Variants in GSG1L observed in about 807,000 individuals in gnomAD.
The protein encoded by GSG1L is germ cell-specific gene 1-like protein.
A neutral mutation model predicts 42.1 loss-of-function variants in GSG1L; 24 were observed. The observed-to-expected ratio is 0.57, with a 90% confidence interval of 0.41 to 0.80. The LOEUF is 0.80. GSG1L is among the 30% of genes least tolerant of loss of function. The pLI, the probability that GSG1L is intolerant of heterozygous loss-of-function variation, is 0.00. For synonymous variants in GSG1L, 215 were observed against 203.5 expected (o/e 1.06, Z -0.48); for missense variants, 445 against 472.2 (o/e 0.94, Z 0.53).
intron 6 of GSG1L, among the ~76,000 whole-genome samples, chr16:27,798,742 C>T (rs188141729): frequency 1.8e-3 from 278 of 152,230 alleles, no homozygotes; most frequent in Non-Finnish European, 3.3e-3. Context: ...TCTATTTTGA[C>T]ACCTGCCCCA....
chr16:27,828,824 G>C lies in GSG1L; in HGVS notation c.795C>G (p.Phe265Leu). Reference protein sequence around the residue: ...FEQGYREEPTFIDPEAIKYFR... With the variant: ...FEQGYREEPTLIDPEAIKYFR... ...AGTACTTGATGGCCTCAGGGTCTAT[G>C]AAGGTCGGCTCTTCCCGGTAGCCCT... The change falls in exon 5 of 7, where the codon TTC becomes TTG. Residue 265 changes from phenylalanine to leucine, a missense_variant. Physicochemically the swap from Phe to Leu is conservative, Grantham distance 22 (BLOSUM62 0). This residue lies in a region of GSG1L where 140 missense variants were observed against 120.6 expected (regional missense o/e 1.16). Coordinates refer to ENST00000447459, the MANE Select transcript of GSG1L (RefSeq NM_001109763.2). The C allele has an allele frequency of 6.2e-7, 1 of 1,614,182 alleles. No individual in the cohort carries two copies. Among genetic ancestry groups the C allele is most frequent in the Non-Finnish European group, 8.5e-7 (1 of 1,180,028 alleles).
intron 2 of GSG1L, among the ~76,000 whole-genome samples, chr16:27,901,206 G>A (rs2084253125): frequency 6.6e-6 from 1 of 152,176 alleles, no homozygotes; most frequent in Non-Finnish European, 1.5e-5. Context: ...AAGATCTAGT[G>A]CACGTCTAAT....
intron 2 of GSG1L, among the ~76,000 whole-genome samples, chr16:27,920,673 T>C (rs1202035796): frequency 6.6e-6 from 1 of 152,200 alleles, no homozygotes; most frequent in Non-Finnish European, 1.5e-5. Context: ...CATGCTCCTG[T>C]CACCCTCCCA....
intron 2 of GSG1L, among the ~76,000 whole-genome samples, chr16:27,924,695 A>T (rs1263659107): frequency 1.3e-5 from 2 of 152,188 alleles, no homozygotes; most frequent in Non-Finnish European, 1.5e-5. Context: ...TTTTCTTATC[A>T]CACACAAAAG....
chr16:28,062,486 G>A (rs865893672), intron 1 of GSG1L, among the ~76,000 whole-genome samples: 1 of 152,208 alleles, frequency 6.6e-6, no homozygotes, highest in Non-Finnish European at 1.5e-5. Context: ...GGCAATAGGG[G>A]TGCCTCTGGG....
chr16:27,857,324 A>C (rs2083591526), intron 3 of GSG1L, among the ~76,000 whole-genome samples: 1 of 151,196 alleles, frequency 6.6e-6, no homozygotes, highest in East Asian at 1.9e-4. Flanking sequence ...GCTACTTGGG[A>C]GGCTGAGGCA....
chr16:27,890,452 T>C (rs55658612), intron 2 of GSG1L, among the ~76,000 whole-genome samples: 10,911 of 152,144 alleles, frequency 0.072, 517 homozygotes, highest in Non-Finnish European at 0.1. Context: ...TGGAAACAGT[T>C]CTTGGAGGCT....
chr16:27,936,292 T>C (rs2084716962), intron 2 of GSG1L, among the ~76,000 whole-genome samples: 1 of 152,164 alleles, frequency 6.6e-6, no homozygotes, highest in African/African-American at 2.4e-5. Flanking sequence ...TGAAATTTGA[T>C]CTCTGCTGTT....
intron 3 of GSG1L, among the ~76,000 whole-genome samples, chr16:27,873,657 A>C (rs2083851168): frequency 6.6e-6 from 1 of 152,224 alleles, no homozygotes; most frequent in Non-Finnish European, 1.5e-5. Flanking sequence ...TAAATCTTCT[A>C]CCAGCCCAGG....
intron 6 of GSG1L, 68 bp from the exon 7 acceptor site, chr16:27,791,535 C>A (rs1007313053): frequency 5.8e-6 from 6 of 1,039,184 alleles, no homozygotes; most frequent in Admixed American, 7.0e-5. Flanking sequence ...CTACCCACCG[C>A]CCCCCACCCA....
intron 4 of GSG1L, among the ~76,000 whole-genome samples, chr16:27,838,880 TCTTAGAATAAAGGAGGC>T (rs2083348910): frequency 6.6e-6 from 1 of 152,100 alleles, no homozygotes; most frequent in Non-Finnish European, 1.5e-5. Flanking sequence ...CCAACCCTGG[TCTTAGAATAAAGGAGGC>T]CGCAGCCACC....
intron 2 of GSG1L, among the ~76,000 whole-genome samples, chr16:27,921,477 C>T (rs1029679242): frequency 9.1e-4 from 138 of 152,292 alleles, no homozygotes; most frequent in African/African-American, 3.2e-3. Context: ...TAAACATCAA[C>T]CCTGTTAACT....
chr16:27,868,427 T>C (rs932618733), intron 3 of GSG1L, among the ~76,000 whole-genome samples: 1 of 152,242 alleles, frequency 6.6e-6, no homozygotes, highest in Non-Finnish European at 1.5e-5. Flanking sequence ...ACAGGGGATA[T>C]GGCCGTAAAT....
At chr16:27,867,102 C>T (rs2083737562) in intron 3 of GSG1L, among the ~76,000 whole-genome samples, 1 of 152,184 alleles carries the variant, frequency 6.6e-6, no homozygotes, top group African/African-American at 2.4e-5. Context: ...ACAGAGGCCA[C>T]CTTGATGTCT....
At chr16:28,043,184 C>A (rs2086126397) in intron 1 of GSG1L, among the ~76,000 whole-genome samples, 1 of 152,152 alleles carries the variant, frequency 6.6e-6, no homozygotes, top group African/African-American at 2.4e-5. Context: ...GGGCCTAGAG[C>A]CTTCTCTGGC....
chr16:27,931,853 G>A (rs1314396879), intron 2 of GSG1L, among the ~76,000 whole-genome samples: 2 of 152,136 alleles, frequency 1.3e-5, no homozygotes, highest in Non-Finnish European at 2.9e-5. Context: ...AGAATCAGGC[G>A]GGTGTTGGGT....
At position 27,909,747 on chromosome 16, in the gene GSG1L, T is replaced by C. The variant is rs1488832563; in HGVS notation, c.398-25109A>G. Among the ~76,000 whole-genome samples the C allele has an allele frequency of 2.0e-5, 3 of 147,814 alleles. No individual in the cohort carries two copies. The Admixed American group carries it at 2.1e-4, about 10-fold the overall frequency. ...GTCCCGACCTCCAGGGCTCATGTGA[T>C]CCTCCCACCTCAGCCTCCCAAGTAG... On this transcript the variant is annotated intron_variant, in intron 2 of 6. Transcript: ENST00000447459.
chr16:28,055,442 T>C (rs1314485748), intron 1 of GSG1L, among the ~76,000 whole-genome samples: 1 of 150,752 alleles, frequency 6.6e-6, no homozygotes, highest in Non-Finnish European at 1.5e-5. Context: ...GAGCTAGCAT[T>C]GTTCTAATAA....
At chr16:28,028,046 C>G (rs2085919584) in intron 1 of GSG1L, among the ~76,000 whole-genome samples, 1 of 152,152 alleles carries the variant, frequency 6.6e-6, no homozygotes, top group Non-Finnish European at 1.5e-5. Flanking sequence ...AAACTATGTG[C>G]CAGGCATTTG....
Sources: gnomAD v4.1 joint callset for allele counts (sites outside exome capture counted in the v4.1 genomes callset) on GRCh38, gnomAD v4.1.1 for gene constraint, gnomAD v4.1.1 regional missense constraint, MANE v1.5 for transcripts, NCBI Gene and HGNC (gene_info 2026-07-23, HGNC 2026-07-21) for gene names.